The following TGFB2 variants were observed in gnomAD, a reference collection of about 807,000 sequenced individuals.
TGFB2 encodes transforming growth factor beta 2, also known as transforming growth factor beta-2 proprotein.
A neutral mutation model predicts 42.7 loss-of-function variants in TGFB2; 13 were observed. The ratio of observed to expected loss-of-function variants is 0.30; its 90% CI spans 0.20 to 0.48. The LOEUF (loss-of-function observed/expected upper bound fraction) is 0.48. Among genes scored for constraint, TGFB2 ranks in the 20% least tolerant of loss-of-function variants. The pLI is 0.99. For missense variants in TGFB2, 390 were observed against 517.5 expected, an observed-to-expected ratio of 0.75 and a Z score of 2.39; for synonymous variants, 193 against 193.6, an observed-to-expected ratio of 1.00 and a Z score of 0.03.
rs748995213 is a variant in TGFB2 at position 218,346,800 on chromosome 1, G to A, written c.99G>A (p.Met33Ile). The change falls in exon 1 of 7, where the codon ATG becomes ATA. Residue 33 changes from methionine to isoleucine, a missense_variant. Physicochemically the swap from Met to Ile is conservative, Grantham distance 10. Transcript: ENST00000366930. This position sits in a 1 kb window ranked among gnomAD's most constrained non-coding sequence, Gnocchi z 4.9. ...GCACACTCGATATGGACCAGTTCAT[G>A]CGCAAGAGGATCGAGGCGATCCGCG... ...TCSTLDMDQF[M>I]RKRIEAIRGQ... is the part of the protein sequence containing the mutation. 6.2e-7 allele frequency: 1 copy of A among 1,614,206 alleles called. No homozygotes were observed. The highest frequency in any genetic ancestry group is 8.5e-7 in the Non-Finnish European group (1 of 1,180,040).
At chr1:218,350,212 G>A (rs1324508119) in intron 1 of TGFB2, among the ~76,000 whole-genome samples, 4 of 152,174 alleles carry the variant, frequency 2.6e-5, no homozygotes, top group African/African-American at 9.7e-5. Flanking sequence ...GAGACACAAC[G>A]TTTCATTTTC....
At chr1:218,355,700 G>A (rs1260592918) in intron 1 of TGFB2, among the ~76,000 whole-genome samples, 17 of 152,146 alleles carry the variant, frequency 1.1e-4, no homozygotes, top group Admixed American at 9.8e-4. Context: ...AAAGCACCTG[G>A]TGCAGCTGCT....
Position 218,346,634 on chromosome 1 carries a change from G to A in TGFB2, c.-68G>A. ...AACAACTCTCCTTGATCTATACTTT[G>A]AGAATTGTTGATTTCTTTTTTTTAT... On this transcript the variant is annotated 5_prime_UTR_variant, in exon 1 of 7. Coordinates refer to ENST00000366930, the MANE Select transcript of TGFB2 (RefSeq NM_003238.6). This position sits in a 1 kb window ranked among gnomAD's most constrained non-coding sequence, Gnocchi z 4.9. 2 of 1,385,520 alleles carry A rather than the reference G, an allele frequency of 1.4e-6. No individual in the cohort carries two copies. The highest frequency in any genetic ancestry group is 2.0e-6 in the Non-Finnish European group (2 of 1,017,204). The allele number at this position is 1,385,520 out of a possible 1,614,324, so 85.8% of individuals were successfully genotyped here.
intron 1 of TGFB2, among the ~76,000 whole-genome samples, chr1:218,404,624 A>G (rs979344577): frequency 1.3e-4 from 20 of 152,214 alleles, no homozygotes; most frequent in Non-Finnish European, 2.6e-4. Flanking sequence ...TTTCCTCATC[A>G]TAACTTGACT....
intron 2 of TGFB2, among the ~76,000 whole-genome samples, chr1:218,430,925 G>A (rs1305486933): frequency 1.3e-5 from 2 of 152,258 alleles, no homozygotes; most frequent in East Asian, 3.9e-4. Flanking sequence ...ACGCTGAGGG[G>A]GACTTAATCA....
intron 1 of TGFB2, chr1:218,363,304 G>A: frequency 6.3e-7 from 1 of 1,585,948 alleles, no homozygotes; most frequent in Non-Finnish European, 8.7e-7. Context: ...CAGTAAAATA[G>A]CTAATGACTG....
intron 2 of TGFB2, among the ~76,000 whole-genome samples, chr1:218,420,335 C>T (rs368129391): frequency 6.6e-6 from 1 of 152,180 alleles, no homozygotes; most frequent in Admixed American, 6.5e-5. Flanking sequence ...ACCCCTCTCT[C>T]GCCTGGTCTA....
chr1:218,359,746 C>T (rs754593372), intron 1 of TGFB2, among the ~76,000 whole-genome samples: 2 of 152,140 alleles, frequency 1.3e-5, no homozygotes, highest in Non-Finnish European at 2.9e-5. Flanking sequence ...GTTGCTATAT[C>T]ACAAGAGAGA....
At chr1:218,381,262 T>TG (rs1283680374) in intron 1 of TGFB2, among the ~76,000 whole-genome samples, 16 of 150,174 alleles carry the variant, frequency 1.1e-4, no homozygotes, top group Admixed American at 7.9e-4. Context: ...GTTTTTGTTT[T>TG]TTTTTTTTTT....
In TGFB2 at chr1:218,423,593, A is replaced by G. The variant is rs116437503; in HGVS notation, c.511-10489A>G. ...TGCTAGTTAGAAGCCAAAGTTTGGA[A>G]GTTTGGAGTATATAATCCATGTTTT... is the stretch of plus-strand genomic sequence containing the variant. On this transcript the variant is annotated intron_variant, in intron 2 of 6. Coordinates refer to ENST00000366930, the MANE Select transcript of TGFB2 (RefSeq NM_003238.6). Among the ~76,000 whole-genome samples, 781 of 152,284 alleles carry G rather than the reference A, an allele frequency of 5.1e-3. 2 individuals carry two copies. Among genetic ancestry groups the G allele is most frequent in the Non-Finnish European group, 8.3e-3 (567 of 68,026 alleles).
intron 1 of TGFB2, among the ~76,000 whole-genome samples, chr1:218,379,579 A>G (rs1571852676): frequency 1.5e-5 from 2 of 134,964 alleles, no homozygotes; most frequent in South Asian, 4.5e-4. Flanking sequence ...TCTAGCTTTC[A>G]TATTTTTTCT....
At chr1:218,348,260 A>C (rs1251365574) in intron 1 of TGFB2, among the ~76,000 whole-genome samples, 1 of 152,122 alleles carries the variant, frequency 6.6e-6, no homozygotes, top group Non-Finnish European at 1.5e-5. Flanking sequence ...TCCCCTTTCC[A>C]TGCCCTGTAT....
chr1:218,410,462 T>C (rs1297316983), intron 2 of TGFB2, among the ~76,000 whole-genome samples: 1 of 152,194 alleles, frequency 6.6e-6, no homozygotes, highest in Non-Finnish European at 1.5e-5. Context: ...TAATGAATGA[T>C]AGGAAAATAA....
rs528915475 is a variant in TGFB2, at chr1:218,408,582, G to A, written c.510+3250G>A. ...TCCTGAAGCACAGACAAGGTCCAGA[G>A]AGCAAGTCAAAGAGATCCTTGAACA... On this transcript the variant is annotated intron_variant, in intron 2 of 6. Transcript: ENST00000366930. 2.0e-5 allele frequency among the ~76,000 whole-genome samples: 3 copies of A among 152,278 alleles called. No homozygotes were observed. In the East Asian group the frequency reaches 5.8e-4, roughly 29 times the overall value.
At chr1:218,425,931 T>C (rs1659608386) in intron 2 of TGFB2, among the ~76,000 whole-genome samples, 1 of 152,262 alleles carries the variant, frequency 6.6e-6, no homozygotes, top group African/African-American at 2.4e-5. Context: ...GAGTGAATGT[T>C]TGATTCATCA....
At chr1:218,439,083 G>T (rs959322774) in intron 6 of TGFB2, among the ~76,000 whole-genome samples, 6 of 147,516 alleles carry the variant, frequency 4.1e-5, no homozygotes, top group African/African-American at 1.5e-4. Flanking sequence ...ACTCCAGCCT[G>T]GGTGGCAGAG....
chr1:218,432,920 AT>A (rs1659852904), intron 2 of TGFB2, among the ~76,000 whole-genome samples: 2 of 152,208 alleles, frequency 1.3e-5, no homozygotes, highest in South Asian at 4.1e-4. Context: ...TAGAATCATG[AT>A]TTAGTTCCTA....
intron 1 of TGFB2, among the ~76,000 whole-genome samples, chr1:218,401,386 T>G (rs1658714528): frequency 6.6e-6 from 1 of 152,108 alleles, no homozygotes; most frequent in Non-Finnish European, 1.5e-5. Flanking sequence ...GTGGCCAAGG[T>G]TGAGGTGAGG....
chr1:218,351,897 T>C (rs1656878752), intron 1 of TGFB2, among the ~76,000 whole-genome samples: 1 of 152,254 alleles, frequency 6.6e-6, no homozygotes, highest in Non-Finnish European at 1.5e-5. Context: ...AAAAAAGGGC[T>C]AATGACTCAC....
Sources: gnomAD v4.1 joint callset for allele counts (sites outside exome capture counted in the v4.1 genomes callset) on GRCh38, gnomAD v4.1.1 for gene constraint, Gnocchi (gnomAD v3.1) non-coding constraint, MANE v1.5 for transcripts, NCBI Gene and HGNC (gene_info 2026-07-23, HGNC 2026-07-21) for gene names.